Variants in MARCHF3 observed in about 807,000 individuals in gnomAD.
The protein encoded by MARCHF3 is E3 ubiquitin-protein ligase MARCHF3.
A neutral mutation model predicts 24.2 loss-of-function variants in MARCHF3; 13 were observed. The ratio of observed to expected loss-of-function variants is 0.54; its 90% CI spans 0.35 to 0.85. MARCHF3 has a LOEUF of 0.85. MARCHF3 is among the 40% of genes least tolerant of loss of function. The probability of loss-of-function intolerance (pLI) is 0.01; values close to 1 mark genes in which losing one functional copy is unlikely to be tolerated. For synonymous variants in MARCHF3, 144 were observed against 137.3 expected, an observed-to-expected ratio of 1.05 and a Z score of -0.34; for missense variants, 276 against 325.0, an observed-to-expected ratio of 0.85 and a Z score of 1.16.
chr5:127,010,625 C>A (rs1271964341), intron 1 of MARCHF3, among the ~76,000 whole-genome samples: 1 of 152,154 alleles, frequency 6.6e-6, no homozygotes, highest in Non-Finnish European at 1.5e-5. Context: ...AACACACTAT[C>A]CCTGGATCAA....
At chr5:126,897,657 GA>G (rs1302882258) in intron 3 of MARCHF3, among the ~76,000 whole-genome samples, 1 of 152,048 alleles carries the variant, frequency 6.6e-6, no homozygotes, top group Non-Finnish European at 1.5e-5. Context: ...GTGACAGGGA[GA>G]AAGCCAAAGT....
At chr5:126,880,699 C>T (rs1400662794) in intron 3 of MARCHF3, among the ~76,000 whole-genome samples, 2 of 152,276 alleles carry the variant, frequency 1.3e-5, no homozygotes, top group Non-Finnish European at 2.9e-5. Flanking sequence ...AAATTAAAAT[C>T]GCAAGACATT....
At chr5:126,970,798 C>T (rs1267565106) in intron 1 of MARCHF3, among the ~76,000 whole-genome samples, 1 of 152,182 alleles carries the variant, frequency 6.6e-6, no homozygotes, top group African/African-American at 2.4e-5. Context: ...CCAAAAGCTT[C>T]ATTTTCCTAC....
At chr5:126,989,892 G>C (rs2126842221) in intron 1 of MARCHF3, among the ~76,000 whole-genome samples, 1 of 152,244 alleles carries the variant, frequency 6.6e-6, no homozygotes, top group Non-Finnish European at 1.5e-5. Flanking sequence ...GGGAGGCCAA[G>C]GTGGGCAGAT....
intron 3 of MARCHF3, among the ~76,000 whole-genome samples, chr5:126,912,351 CAAAT>C (rs1468614971): frequency 2.0e-5 from 3 of 152,160 alleles, no homozygotes; most frequent in Non-Finnish European, 4.4e-5. Flanking sequence ...TAGATGCTGA[CAAAT>C]AAAATTTATA....
chr5:126,964,796 CCAGCTGAAG>C (rs1750750213), intron 1 of MARCHF3, among the ~76,000 whole-genome samples: 1 of 152,126 alleles, frequency 6.6e-6, no homozygotes, highest in African/African-American at 2.4e-5. Flanking sequence ...ACCAGCTGAA[CCAGCTGAAG>C]CAGACAACAA....
chr5:127,023,671 C>T (rs969073474), intron 1 of MARCHF3, among the ~76,000 whole-genome samples: 1 of 151,558 alleles, frequency 6.6e-6, no homozygotes, highest in Non-Finnish European at 1.5e-5. Flanking sequence ...GTGGAGGTTG[C>T]AGTGAGCTGA....
rs147643460 is a variant in MARCHF3, at chr5:126,995,039, G to C, written c.-57+35311C>G. Among the ~76,000 whole-genome samples the C allele has an allele frequency of 1.3e-3, 193 of 152,340 alleles. 1 individual carries two copies. The highest frequency in any genetic ancestry group is 4.5e-3 in the African/African-American group (186 of 41,598). ...CTTTATTCTTGCTGCACTGGCAGCT[G>C]ATTAGATGGTGCCCACCCAGATTGA... On this transcript the variant is annotated intron_variant, in intron 1 of 4. Transcript: ENST00000308660.
At chr5:127,008,039 C>T (rs898474443) in intron 1 of MARCHF3, among the ~76,000 whole-genome samples, 2 of 152,078 alleles carry the variant, frequency 1.3e-5, no homozygotes, top group Non-Finnish European at 2.9e-5. Context: ...ACATGGCCTT[C>T]TAGTCTAAAG....
At chr5:126,989,249 A>G (rs1580711289) in intron 1 of MARCHF3, among the ~76,000 whole-genome samples, 1 of 151,992 alleles carries the variant, frequency 6.6e-6, no homozygotes, top group South Asian at 2.1e-4. Flanking sequence ...ACTGCACTTC[A>G]GCCTGGGTGA....
At chr5:127,003,325 G>A (rs1304070282) in intron 1 of MARCHF3, among the ~76,000 whole-genome samples, 1 of 151,140 alleles carries the variant, frequency 6.6e-6, no homozygotes, top group Non-Finnish European at 1.5e-5. Context: ...AAATTAGCCG[G>A]GCGTGGTGGT....
At chr5:126,990,789 A>G (rs944681619) in intron 1 of MARCHF3, among the ~76,000 whole-genome samples, 1 of 152,252 alleles carries the variant, frequency 6.6e-6, no homozygotes, top group Non-Finnish European at 1.5e-5. Flanking sequence ...CAACAGACAC[A>G]TGAAAAAGTG....
At chr5:126,986,239 A>G (rs1252110298) in intron 1 of MARCHF3, among the ~76,000 whole-genome samples, 3 of 152,232 alleles carry the variant, frequency 2.0e-5, no homozygotes, top group African/African-American at 7.2e-5. Flanking sequence ...GTGCTACCCA[A>G]GAAACTAAAA....
At chr5:126,896,041 C>T (rs910998014) in intron 3 of MARCHF3, among the ~76,000 whole-genome samples, 6 of 152,138 alleles carry the variant, frequency 3.9e-5, no homozygotes, top group African/African-American at 9.7e-5. Flanking sequence ...GTCGGAAAAG[C>T]GCAGTATTCC....
chr5:126,914,773 C>T lies in MARCHF3; in HGVS notation c.393+157G>A, dbSNP rs1580636662. ...TCTACATCTCTCTTTCTCAAACACA[C>T]ACACACACACACACACACACACACA... On this transcript the variant is annotated intron_variant, in intron 3 of 4. Transcript: ENST00000308660. The T allele has an allele frequency of 1.3e-4, 81 of 612,652 alleles. No homozygotes were observed. The South Asian group carries it at 1.4e-3, about 11-fold the overall frequency. The allele number at this position is 612,652 out of a possible 1,614,324, so 38.0% of individuals were successfully genotyped here.
At chr5:126,961,317 T>C (rs193263102) in intron 1 of MARCHF3, among the ~76,000 whole-genome samples, 19 of 152,254 alleles carry the variant, frequency 1.2e-4, no homozygotes, top group African/African-American at 4.3e-4. Context: ...CATGAAGGAT[T>C]TGCATAGAGG....
intron 3 of MARCHF3, among the ~76,000 whole-genome samples, chr5:126,894,182 G>A (rs1318087881): frequency 7.6e-6 from 1 of 131,264 alleles, no homozygotes. Context: ...GCCTATGTGT[G>A]TCTCTGCATG....
At chr5:126,994,868 G>A (rs1729503302) in intron 1 of MARCHF3, among the ~76,000 whole-genome samples, 1 of 152,228 alleles carries the variant, frequency 6.6e-6, no homozygotes, top group African/African-American at 2.4e-5. Flanking sequence ...GGTGGCCGAA[G>A]GCCCAAGAGC....
chr5:126,991,829 G>T (rs1751773549), intron 1 of MARCHF3, among the ~76,000 whole-genome samples: 1 of 151,754 alleles, frequency 6.6e-6, no homozygotes, highest in Admixed American at 6.6e-5. Context: ...TGTACGCCTC[G>T]ACCTGATAAA....
Sources: allele counts gnomAD v4.1 joint callset (sites outside exome capture counted in the v4.1 genomes callset), GRCh38; gene constraint gnomAD v4.1.1; transcripts MANE v1.5; gene names NCBI Gene and HGNC (gene_info 2026-07-23, HGNC 2026-07-21).